Variants in HERPUD2 observed in about 807,000 individuals in gnomAD.
HERPUD2 encodes homocysteine-responsive endoplasmic reticulum-resident ubiquitin-like domain member 2 protein.
HERPUD2 carries 13 observed loss-of-function variants against 49.9 expected under a neutral mutation model. The ratio of observed to expected loss-of-function variants is 0.26; its 90% CI spans 0.17 to 0.41. HERPUD2 has a LOEUF of 0.41. Among genes scored for constraint, HERPUD2 ranks in the 10% least tolerant of loss-of-function variants. The pLI, the probability that HERPUD2 is intolerant of heterozygous loss-of-function variation, is 1.00. For missense variants in HERPUD2, 449 were observed against 492.2 expected, an observed-to-expected ratio of 0.91 and a Z score of 0.83; for synonymous variants, 172 against 171.4, an observed-to-expected ratio of 1.00 and a Z score of -0.03.
intron 2 of HERPUD2, among the ~76,000 whole-genome samples, chr7:35,681,800 GAA>G (rs201105452): frequency 6.7e-6 from 1 of 149,674 alleles, no homozygotes; most frequent in Non-Finnish European, 1.5e-5. Flanking sequence ...ACAGAAAGTA[GAA>G]AAAAAAAGAA....
At chr7:35,651,279 T>C (rs1332901757) in intron 5 of HERPUD2, among the ~76,000 whole-genome samples, 6 of 152,074 alleles carry the variant, frequency 3.9e-5, no homozygotes, top group African/African-American at 1.4e-4. Flanking sequence ...CCCCCAAGAA[T>C]TGGCCCACCT....
chr7:35,634,040 C>T (rs537514510), intron 8 of HERPUD2, among the ~76,000 whole-genome samples, 189 bp from the exon 9 acceptor site: 2 of 152,222 alleles, frequency 1.3e-5, no homozygotes, highest in Non-Finnish European at 2.9e-5. Context: ...CAATGCAATA[C>T]AATAAATTCT....
chr7:35,646,306 AAT>A (rs1184507633), intron 5 of HERPUD2, among the ~76,000 whole-genome samples: 1 of 152,206 alleles, frequency 6.6e-6, no homozygotes, highest in Non-Finnish European at 1.5e-5. Flanking sequence ...TCAAGCCTAT[AAT>A]CCTAGCTACT....
chr7:35,686,808 TGGGGGGGGGGGGGTGGGGGG>T (rs1786065522), intron 2 of HERPUD2, among the ~76,000 whole-genome samples: 1 of 4,300 alleles, frequency 2.3e-4, no homozygotes, highest in Middle Eastern at 0.1. Context: ...TTTGGGAGGC[TGGGGGGGGGGGGGTGGGGGG>T]GTGGGGGGGG....
chr7:35,686,635 C>T (rs1455919961), intron 2 of HERPUD2, among the ~76,000 whole-genome samples: 1 of 111,132 alleles, frequency 9.0e-6, no homozygotes, highest in Non-Finnish European at 1.8e-5. Context: ...AGGAGAATGG[C>T]GTGAACCCGG....
intron 2 of HERPUD2, among the ~76,000 whole-genome samples, chr7:35,685,710 G>A (rs1451408322): frequency 6.6e-6 from 1 of 151,944 alleles, no homozygotes. Flanking sequence ...GGGTGCAGTG[G>A]TTCACGCCTG....
chr7:35,674,400 TATATAGAGAGAGAGAGAGAGAG>T lies in HERPUD2; in HGVS notation c.148-1144_148-1123del, dbSNP rs1354154703. Among the ~76,000 whole-genome samples the T allele has an allele frequency of 1.5e-3, 88 of 60,200 alleles. 4 individuals are homozygous for T. The highest frequency in any genetic ancestry group is 2.9e-3 in the East Asian group (6 of 2,052). The allele number at this position is 60,200 out of a possible 152,430, so 39.5% of individuals were successfully genotyped here. A position where few individuals can be genotyped will look rare whatever the true frequency, so the allele number is the denominator to read the frequency against. On this transcript the variant is annotated intron_variant, in intron 2 of 8. Coordinates refer to ENST00000311350, the MANE Select transcript of HERPUD2 (RefSeq NM_022373.5). ...CAACCTATATATATATATATATATA[TATATAGAGAGAGAGAGAGAGAG>T]AGAGAGAGAGAGAGAGAGAGAGAGA... is the stretch of plus-strand genomic sequence containing the variant.
intron 2 of HERPUD2, among the ~76,000 whole-genome samples, chr7:35,677,423 T>C (rs923891566): frequency 6.6e-6 from 1 of 152,224 alleles, no homozygotes; most frequent in Non-Finnish European, 1.5e-5. Flanking sequence ...TCCCTTCATA[T>C]TATTCTATTT....
intron 6 of HERPUD2, among the ~76,000 whole-genome samples, chr7:35,637,989 G>A (rs1001512740): frequency 3.3e-5 from 5 of 152,198 alleles, no homozygotes; most frequent in African/African-American, 1.2e-4. Context: ...AAGCATATTA[G>A]CTGCACTTGA....
At chr7:35,646,033 T>C (rs533893621) in intron 5 of HERPUD2, among the ~76,000 whole-genome samples, 4 of 152,110 alleles carry the variant, frequency 2.6e-5, no homozygotes, top group East Asian at 2.0e-4. Context: ...TTCCTAAGAA[T>C]AGGGAATGGG....
chr7:35,673,372 C>T (rs1326646649), intron 2 of HERPUD2, 94 bp from the exon 3 acceptor site: 10 of 887,198 alleles, frequency 1.1e-5, no homozygotes, highest in South Asian at 7.9e-5. Context: ...AAATAAAACT[C>T]CCTTTAGGCA....
At chr7:35,674,943 T>A (rs1785728608) in intron 2 of HERPUD2, among the ~76,000 whole-genome samples, 2 of 152,186 alleles carry the variant, frequency 1.3e-5, no homozygotes, top group African/African-American at 4.8e-5. Context: ...AGTGAGCAAA[T>A]GTAAGTAACA....
Position 35,635,386 on chromosome 7 carries a change from A to G in HERPUD2, c.690T>C (p.Asn230=). Residue 230 remains asparagine (N), a synonymous_variant, in exon 7 of 9, where the codon AAT becomes AAC. Coordinates refer to ENST00000311350, the MANE Select transcript of HERPUD2 (RefSeq NM_022373.5). The stretch of plus-strand genomic sequence containing the variant: ...GTTCTTCTCCAGGAACATGTGCCAA[A>G]TTTAGAGGCTGTGAAGTAGTAGGCT... ...PTQPTTSQPL[N]LAHVPGEEPP... is the part of the protein sequence containing the mutation. 3.1e-6 allele frequency: 5 copies of G among 1,614,082 alleles called. No individual in the cohort carries two copies. Among genetic ancestry groups the G allele is most frequent in the Non-Finnish European group, 4.2e-6 (5 of 1,180,006 alleles).
intron 3 of HERPUD2, among the ~76,000 whole-genome samples, chr7:35,671,571 AATTT>A (rs1169683285): frequency 1.3e-5 from 2 of 152,120 alleles, no homozygotes; most frequent in African/African-American, 4.8e-5. Flanking sequence ...TAATTCACAG[AATTT>A]ATTTATCTTG....
At chr7:35,648,557 A>G (rs758102742) in intron 5 of HERPUD2, among the ~76,000 whole-genome samples, 12 of 152,208 alleles carry the variant, frequency 7.9e-5, no homozygotes, top group Non-Finnish European at 1.3e-4. Context: ...TAATTTTGCA[A>G]TACTTCCCCC....
At chr7:35,637,777 A>G (rs1241778589) in intron 6 of HERPUD2, among the ~76,000 whole-genome samples, 6 of 152,244 alleles carry the variant, frequency 3.9e-5, no homozygotes, top group Non-Finnish European at 8.8e-5. Context: ...AAGGACACAG[A>G]AAGAGTGACC....
In HERPUD2 at chr7:35,670,302, T is replaced by G. The variant is rs751731036; in HGVS notation, c.252A>C (p.Leu84=). The G allele has an allele frequency of 4.5e-6, 7 of 1,551,520 alleles. No homozygotes were observed. In the South Asian group the frequency reaches 8.5e-5, roughly 19 times the overall value. ...RKQDEYHMVH[L]VCTSRTPPSS... is the part of the protein sequence containing the mutation. ...TGGGAGGAGTCCGAGAAGTACATAC[T>G]AGATGAACCATATGATACTCATCTT... The change falls in exon 4 of 9, where the codon CTA becomes CTC. Residue 84 remains leucine, a synonymous_variant. Transcript: ENST00000311350.
chr7:35,678,073 C>T (rs1315182513), intron 2 of HERPUD2, among the ~76,000 whole-genome samples: 2 of 152,126 alleles, frequency 1.3e-5, no homozygotes, highest in Non-Finnish European at 2.9e-5. Flanking sequence ...GTACCTGCTC[C>T]TCCCACATCA....
intron 4 of HERPUD2, among the ~76,000 whole-genome samples, chr7:35,669,528 G>C (rs1258219120): frequency 3.3e-5 from 5 of 152,140 alleles, no homozygotes; most frequent in Non-Finnish European, 5.9e-5. Context: ...AGGTGTCATA[G>C]AAAGCTTTTA....
Sources: gnomAD v4.1 joint callset for allele counts (sites outside exome capture counted in the v4.1 genomes callset) on GRCh38, gnomAD v4.1.1 for gene constraint, MANE v1.5 for transcripts, NCBI Gene and HGNC (gene_info 2026-07-23, HGNC 2026-07-21) for gene names.